The following STEAP1B variants were observed in gnomAD, a reference collection of about 807,000 sequenced individuals.
The protein encoded by STEAP1B is STEAP family member 1B.
A neutral mutation model predicts 27.9 loss-of-function variants in STEAP1B; 13 were observed. The observed-to-expected ratio is 0.47, with a 90% confidence interval of 0.30 to 0.74. The LOEUF (loss-of-function observed/expected upper bound fraction) is 0.74. Ranked by LOEUF, STEAP1B falls within the 30% of genes least tolerant of loss-of-function variation. STEAP1B has a pLI of 0.06. For synonymous variants in STEAP1B, 86 were observed against 107.1 expected, an observed-to-expected ratio of 0.80 and a Z score of 1.22; for missense variants, 250 against 298.7, an observed-to-expected ratio of 0.84 and a Z score of 1.20.
chr7:22,441,523 G>A (rs1785333688), intron 4 of STEAP1B, among the ~76,000 whole-genome samples: 1 of 152,282 alleles, frequency 6.6e-6, no homozygotes, highest in South Asian at 2.1e-4. Flanking sequence ...TGTAAGAAGC[G>A]AAGTTTGCTC....
intron 4 of STEAP1B, among the ~76,000 whole-genome samples, chr7:22,466,195 A>G (rs534803303): frequency 2.6e-5 from 4 of 152,200 alleles, no homozygotes; most frequent in African/African-American, 9.6e-5. Context: ...AGTTGTATAT[A>G]TTTCTTGTGT....
At chr7:22,489,083 G>A (rs1419679559) in intron 4 of STEAP1B, among the ~76,000 whole-genome samples, 1 of 152,158 alleles carries the variant, frequency 6.6e-6, no homozygotes, top group Admixed American at 6.5e-5. Context: ...TTCAAACCAG[G>A]CAGGGAGAAA....
chr7:22,467,380 G>A (rs78269863), intron 4 of STEAP1B, among the ~76,000 whole-genome samples: 14,488 of 152,270 alleles, frequency 0.095, 880 homozygotes, highest in Middle Eastern at 0.21. Flanking sequence ...TGGGGGTGCT[G>A]ACTGTGAACA....
At chr7:22,440,558 G>A (rs1014705645) in intron 4 of STEAP1B, among the ~76,000 whole-genome samples, 4 of 152,206 alleles carry the variant, frequency 2.6e-5, no homozygotes, top group African/African-American at 4.8e-5. Context: ...CCATTTAGCC[G>A]CATTTGCTCT....
intron 4 of STEAP1B, among the ~76,000 whole-genome samples, chr7:22,477,800 A>G (rs1007457360): frequency 6.6e-6 from 1 of 152,150 alleles, no homozygotes; most frequent in African/African-American, 2.4e-5. Flanking sequence ...TAACTTAAAA[A>G]GGCTTTATCT....
intron 4 of STEAP1B, among the ~76,000 whole-genome samples, chr7:22,482,939 T>G (rs529232837): frequency 1.1e-4 from 16 of 152,288 alleles, no homozygotes; most frequent in African/African-American, 3.6e-4. Flanking sequence ...GATTTGTAAG[T>G]AGGGCTTCCA....
chr7:22,453,668 A>G (rs1009851573), intron 4 of STEAP1B, among the ~76,000 whole-genome samples: 1 of 152,278 alleles, frequency 6.6e-6, no homozygotes, highest in Non-Finnish European at 1.5e-5. Flanking sequence ...ACAACATCAA[A>G]TAATCCAAAA....
intron 4 of STEAP1B, among the ~76,000 whole-genome samples, chr7:22,467,712 C>T (rs879806440): frequency 1.6e-4 from 24 of 152,138 alleles, no homozygotes; most frequent in East Asian, 3.8e-4. Context: ...TTTTACCTTC[C>T]GCCATGATTG....
chr7:22,489,752 T>G (rs538824387), intron 4 of STEAP1B, among the ~76,000 whole-genome samples: 1 of 152,202 alleles, frequency 6.6e-6, no homozygotes, highest in Non-Finnish European at 1.5e-5. Flanking sequence ...GGGCTCTTTT[T>G]TGGTTCCATA....
At chr7:22,456,956 A>G (rs1182221211) in intron 4 of STEAP1B, among the ~76,000 whole-genome samples, 1 of 19,020 alleles carries the variant, frequency 5.3e-5, no homozygotes, top group Admixed American at 7.2e-4. Context: ...AGGCAGCTAT[A>G]TATATATATA....
At chr7:22,462,320 T>C (rs1396982361) in intron 4 of STEAP1B, among the ~76,000 whole-genome samples, 6 of 147,694 alleles carry the variant, frequency 4.1e-5, no homozygotes, top group African/African-American at 1.0e-4. Flanking sequence ...CATGCTGGTG[T>C]GCTGCACCCA....
intron 4 of STEAP1B, among the ~76,000 whole-genome samples, chr7:22,438,979 A>T (rs1381447804): frequency 6.6e-6 from 1 of 152,228 alleles, no homozygotes; most frequent in Non-Finnish European, 1.5e-5. Flanking sequence ...ATGAAAAACT[A>T]AGTACTGAAT....
chr7:22,491,973 AT>A (rs1319596804), intron 4 of STEAP1B, among the ~76,000 whole-genome samples: 1 of 152,130 alleles, frequency 6.6e-6, no homozygotes, highest in Non-Finnish European at 1.5e-5. Context: ...TCTGTTCAGC[AT>A]CCCCTCTTTT....
rs1786371214 is a variant in STEAP1B at position 22,493,395 on chromosome 7, C to A, written c.526G>T (p.Ala176Ser). The stretch of plus-strand genomic sequence containing the variant: ...ATTGCGTAAGACAGAGTATAAATTG[C>A]ATGCAGTACAGCAAAAAACAAACTG... ...LLSLFFAVLH[A>S]IYTLSYAMRR... The change falls in exon 3 of 5, where the codon GCA becomes TCA. Residue 176 changes from alanine (A) to serine (S), a missense_variant. Transcript: ENST00000678116. 6.2e-7 allele frequency: 1 copy of A among 1,614,042 alleles called. No homozygotes were observed. Among genetic ancestry groups the A allele is most frequent in the African/African-American group, 1.3e-5 (1 of 74,920 alleles).
intron 1 of STEAP1B, among the ~76,000 whole-genome samples, chr7:22,498,638 G>C (rs1430255986): frequency 1.3e-5 from 2 of 152,224 alleles, no homozygotes; most frequent in African/African-American, 4.8e-5. Context: ...GTCTAGGAGA[G>C]AAGGCAGGCA....
At chr7:22,419,860 A>G (rs950167938) in intron 4 of STEAP1B, 24 bp from the exon 5 acceptor site, 2 of 1,548,394 alleles carry the variant, frequency 1.3e-6, no homozygotes, top group Non-Finnish European at 1.7e-6. Context: ...AGCAAGAAAG[A>G]GTTGATGTAT....
At chr7:22,454,725 G>A (rs1583639119) in intron 4 of STEAP1B, among the ~76,000 whole-genome samples, 1 of 144,976 alleles carries the variant, frequency 6.9e-6, no homozygotes. Flanking sequence ...CAGGAGCCTG[G>A]GGAGTAAGCA....
At chr7:22,458,288 A>AACT (rs1785620999) in intron 4 of STEAP1B, among the ~76,000 whole-genome samples, 2 of 152,236 alleles carry the variant, frequency 1.3e-5, no homozygotes, top group African/African-American at 4.8e-5. Flanking sequence ...AGTGTACTAA[A>AACT]GTGCAATGGC....
chr7:22,480,451 G>A (rs1786048852), intron 4 of STEAP1B, among the ~76,000 whole-genome samples: 2 of 152,206 alleles, frequency 1.3e-5, no homozygotes, highest in Admixed American at 1.3e-4. Context: ...CACGCTCAAG[G>A]TGGGTACTGA....
Sources: allele counts gnomAD v4.1 joint callset (sites outside exome capture counted in the v4.1 genomes callset), GRCh38; gene constraint gnomAD v4.1.1; transcripts MANE v1.5; gene names NCBI Gene and HGNC (gene_info 2026-07-23, HGNC 2026-07-21).